The following C1orf159 variants were observed in gnomAD, a reference collection of about 807,000 sequenced individuals.
C1orf159 encodes the protein uncharacterized protein C1orf159.
In C1orf159, 19 loss-of-function variants were observed where a neutral mutation model predicts 25.6. That is an observed-to-expected ratio of 0.74 (90% CI 0.52 to 1.09). The LOEUF is 1.09. Among genes scored for constraint, C1orf159 ranks in the 50% least tolerant of loss-of-function variants. C1orf159 has a pLI of 0.00. For synonymous variants in C1orf159, 139 were observed against 124.7 expected (o/e 1.12, Z -0.77); for missense variants, 274 against 290.6 (o/e 0.94, Z 0.42).
chr1:1,082,883 G>A lies in C1orf159; in HGVS notation c.*10C>T, dbSNP rs546562924. The stretch of plus-strand genomic sequence containing the variant: ...GCCGCCAAGTGCGTGGCGTGGTCTC[G>A]GCCTCCAGGTCAGACATTGCTGATA... On this transcript the variant is annotated 3_prime_UTR_variant, in exon 10 of 10. Transcript: ENST00000421241. The A allele has an allele frequency of 3.7e-5, 59 of 1,577,458 alleles. No individual in the cohort carries two copies. Among genetic ancestry groups the A allele is most frequent in the Middle Eastern group, 1.7e-4 (1 of 6,018 alleles).
intron 1 of C1orf159, among the ~76,000 whole-genome samples, chr1:1,109,454 T>A (rs761803974): frequency 2.0e-5 from 3 of 152,046 alleles, no homozygotes; most frequent in Non-Finnish European, 4.4e-5. Context: ...TTTCTTTCCT[T>A]TCCTCCTTTT....
rs1310816613 is a variant in C1orf159 at position 1,082,636 on chromosome 1, G to C, written c.*257C>G. 26 of 525,276 alleles carry C rather than the reference G, an allele frequency of 4.9e-5. No homozygotes were observed. The East Asian group carries it at 8.9e-4, about 18-fold the overall frequency. The allele number at this position is 525,276 out of a possible 1,614,324, so 32.5% of individuals were successfully genotyped here. On this transcript the variant is annotated 3_prime_UTR_variant, in exon 10 of 10. Coordinates refer to ENST00000421241, the MANE Select transcript of C1orf159 (RefSeq NM_017891.5). The stretch of plus-strand genomic sequence containing the variant: ...CCTGGGGGGGCCCGGACCCCCCAAG[G>C]CCTCGATCTGAAGCTCTGAGGTCTC...
intron 1 of C1orf159, among the ~76,000 whole-genome samples, chr1:1,100,432 C>T (rs1451791078): frequency 6.6e-6 from 1 of 152,064 alleles, no homozygotes; most frequent in Non-Finnish European, 1.5e-5. Flanking sequence ...CCCGCTGTGC[C>T]CACCCAGGCA....
rs11260589 is a variant in C1orf159, at chr1:1,087,930, T to C, written c.149-333A>G. ...CACCCCAGCCCCGAGTACTCCACGC[T>C]GCACTCCACGCCGAGCACCCCGGCC... On this transcript the variant is annotated intron_variant, in intron 4 of 9. Coordinates refer to ENST00000421241, the MANE Select transcript of C1orf159 (RefSeq NM_017891.5). This position sits in a 1 kb window ranked among gnomAD's most constrained non-coding sequence, Gnocchi z 8.3. Among the ~76,000 whole-genome samples the C allele has an allele frequency of 0.19, 28,349 of 148,610 alleles. 2,961 individuals are homozygous for C. The highest frequency in any genetic ancestry group is 0.27 in the African/African-American group (10,908 of 40,222).
chr1:1,084,616 G>A, intron 7 of C1orf159, 110 bp from the exon 8 acceptor site: 1 of 1,403,588 alleles, frequency 7.1e-7, no homozygotes, highest in East Asian at 2.5e-5. Context: ...CCTCAGCCCA[G>A]TGCGGCGTCC....
chr1:1,091,033 G>C, intron 3 of C1orf159: 2 of 1,426,684 alleles, frequency 1.4e-6, no homozygotes, highest in Non-Finnish European at 1.9e-6. Flanking sequence ...CGGAGTGCGG[G>C]ATAGAATCCA....
At position 1,087,331 on chromosome 1, in the gene C1orf159, C is replaced by A; in HGVS notation, c.245-127G>T. Reference sequence around the variant, plus strand: ...GGCTGAGGGGGCGGAGCAGCCCTCACCACAGAGCTGTCCCGAATGGCCCAG... The same window carrying A: ...GGCTGAGGGGGCGGAGCAGCCCTCAACACAGAGCTGTCCCGAATGGCCCAG... On this transcript the variant is annotated intron_variant, in intron 5 of 9. Transcript: ENST00000421241. The surrounding 1 kb of genome is among the most constrained non-coding windows in gnomAD (Gnocchi z 8.3). 8.4e-7 allele frequency: 1 copy of A among 1,194,402 alleles called. No individual in the cohort carries two copies. Among genetic ancestry groups the A allele is most frequent in the South Asian group, 1.5e-5 (1 of 64,964 alleles). The allele number at this position is 1,194,402 out of a possible 1,614,324, so 74.0% of individuals were successfully genotyped here.
At chr1:1,102,240 C>CT (rs1489505273) in intron 1 of C1orf159, among the ~76,000 whole-genome samples, 1 of 152,044 alleles carries the variant, frequency 6.6e-6, no homozygotes, top group African/African-American at 2.4e-5. Flanking sequence ...CACTGTGCCT[C>CT]TCCTCTCCTG....
chr1:1,111,539 C>A (rs890013112), intron 1 of C1orf159, among the ~76,000 whole-genome samples: 1 of 152,100 alleles, frequency 6.6e-6, no homozygotes, highest in African/African-American at 2.4e-5. Context: ...GTCTCAACAA[C>A]AACAACAAAG....
At chr1:1,108,212 T>TCACCACAGCCACCATGTCTCCGCACCATC (rs1646203673) in intron 1 of C1orf159, among the ~76,000 whole-genome samples, 8 of 74,456 alleles carry the variant, frequency 1.1e-4, no homozygotes, top group African/African-American at 3.2e-4. Flanking sequence ...GCAGCACCGT[T>TCACCACAGCCACCATGTCTCCGCACCATC]CACCACAGCC....
chr1:1,084,062 TC>T (rs1645787584), intron 9 of C1orf159: 13 of 1,608,148 alleles, frequency 8.1e-6, no homozygotes, highest in Non-Finnish European at 1.1e-5. Context: ...TCGTGGTGGG[TC>T]CTCCTTTCCT....
intron 1 of C1orf159, among the ~76,000 whole-genome samples, chr1:1,109,951 G>A (rs147606383): frequency 0.012 from 1,837 of 152,348 alleles, 25 homozygotes; most frequent in Non-Finnish European, 0.021. Flanking sequence ...TTATGGCCGT[G>A]AAATGGGGGG....
At chr1:1,098,175 A>G (rs537325533) in intron 1 of C1orf159, among the ~76,000 whole-genome samples, 2 of 152,036 alleles carry the variant, frequency 1.3e-5, no homozygotes, top group South Asian at 4.2e-4. Context: ...TTTTTAAGCA[A>G]TTCTCTGCCC....
intron 3 of C1orf159, chr1:1,090,791 G>A: frequency 8.6e-7 from 1 of 1,157,018 alleles, no homozygotes; most frequent in South Asian, 1.3e-5. Context: ...CAGAGGAAGT[G>A]CCCGGGCCTG....
In C1orf159 at chr1:1,085,900, C is replaced by T; in HGVS notation, c.423G>A (p.Arg141=). 1.9e-6 allele frequency: 3 copies of T among 1,613,306 alleles called. No homozygotes were observed. Among genetic ancestry groups the T allele is most frequent in the Non-Finnish European group, 2.5e-6 (3 of 1,179,816 alleles). ...FYLKRSSKLP[R]ACYRRNKAPA... is the part of the protein sequence containing the mutation. ...TACCTTTGTTTCTTCTGTAGCAGGC[C>T]CTGGGGAGTTTACTGGAGCGCTTGA... The change falls in exon 7 of 10, where the codon AGG becomes AGA. Residue 141 remains arginine, a synonymous_variant. Coordinates refer to ENST00000421241, the MANE Select transcript of C1orf159 (RefSeq NM_017891.5).
At chr1:1,107,536 G>A (rs560571997) in intron 1 of C1orf159, among the ~76,000 whole-genome samples, 3 of 152,268 alleles carry the variant, frequency 2.0e-5, no homozygotes, top group South Asian at 2.1e-4. Flanking sequence ...GAACTTTTAC[G>A]TCTAGCTAGA....
At chr1:1,102,609 T>A in intron 1 of C1orf159, among the ~76,000 whole-genome samples, 1 of 82,758 alleles carries the variant, frequency 1.2e-5, no homozygotes, top group Non-Finnish European at 2.1e-5. Context: ...AAACCCTGTC[T>A]CTACTAAAAA....
chr1:1,105,647 C>T (rs764890210), intron 1 of C1orf159, among the ~76,000 whole-genome samples: 10 of 152,178 alleles, frequency 6.6e-5, no homozygotes, highest in Admixed American at 3.9e-4. Context: ...TTTGGGAGGC[C>T]GAGGTGGGTG....
chr1:1,083,795 C>G (rs2298215), intron 9 of C1orf159: 644,693 of 904,196 alleles, frequency 0.71, 232,161 homozygotes, highest in East Asian at 0.88. Context: ...GCCCCCATGA[C>G]AGACTTCTGC....
Sources: gnomAD v4.1 joint callset for allele counts (sites outside exome capture counted in the v4.1 genomes callset) on GRCh38, gnomAD v4.1.1 for gene constraint, Gnocchi (gnomAD v3.1) non-coding constraint, MANE v1.5 for transcripts, NCBI Gene and HGNC (gene_info 2026-07-23, HGNC 2026-07-21) for gene names.